Variants in FAF1 observed in about 807,000 individuals in gnomAD.
FAF1 encodes the protein Fas associated factor 1.
A neutral mutation model predicts 92.5 loss-of-function variants in FAF1; 25 were observed. The ratio of observed to expected loss-of-function variants is 0.27; its 90% CI spans 0.20 to 0.38. The LOEUF is 0.38. FAF1 is among the 10% of genes least tolerant of loss of function. The pLI is 1.00. For missense variants in FAF1, 636 were observed against 793.3 expected, an observed-to-expected ratio of 0.80 and a Z score of 2.38; for synonymous variants, 234 against 273.2, an observed-to-expected ratio of 0.86 and a Z score of 1.42.
intron 4 of FAF1, among the ~76,000 whole-genome samples, chr1:50,760,842 C>A (rs1660295775): frequency 6.6e-6 from 1 of 151,998 alleles, no homozygotes; most frequent in Non-Finnish European, 1.5e-5. Flanking sequence ...AAAATCAGAG[C>A]AGAACTGAAG....
chr1:50,611,334 T>C (rs150101717), intron 8 of FAF1, among the ~76,000 whole-genome samples: 2 of 152,302 alleles, frequency 1.3e-5, no homozygotes, highest in African/African-American at 4.8e-5. Flanking sequence ...AAGGTAGATA[T>C]TAACACAAAA....
At chr1:50,681,333 C>T (rs1656411324) in intron 7 of FAF1, among the ~76,000 whole-genome samples, 1 of 152,192 alleles carries the variant, frequency 6.6e-6, no homozygotes, top group Non-Finnish European at 1.5e-5. Context: ...AGGCATGAGT[C>T]ACTGTGCCTG....
At chr1:50,836,965 T>TTC (rs2124639888) in intron 2 of FAF1, among the ~76,000 whole-genome samples, 1 of 137,412 alleles carries the variant, frequency 7.3e-6, no homozygotes, top group African/African-American at 2.9e-5. Context: ...TTTTTTTTTT[T>TTC]TTTTTTTTTT....
At chr1:50,925,371 A>C (rs1644996761) in intron 1 of FAF1, among the ~76,000 whole-genome samples, 1 of 152,192 alleles carries the variant, frequency 6.6e-6, no homozygotes. Context: ...AACACAGTTA[A>C]GAGATAACCT....
chr1:50,828,116 C>T (rs1001396062), intron 2 of FAF1, among the ~76,000 whole-genome samples: 1 of 152,066 alleles, frequency 6.6e-6, no homozygotes, highest in Non-Finnish European at 1.5e-5. Flanking sequence ...ATAAATAAAA[C>T]AGGGTAGTAC....
intron 1 of FAF1, among the ~76,000 whole-genome samples, chr1:50,878,613 C>T (rs1644588533): frequency 2.6e-5 from 4 of 152,176 alleles, no homozygotes; most frequent in African/African-American, 7.2e-5. Context: ...TACACATTAG[C>T]AGCCAACTAA....
intron 15 of FAF1, among the ~76,000 whole-genome samples, chr1:50,507,261 A>T (rs1289963957): frequency 1.3e-5 from 2 of 152,236 alleles, no homozygotes; most frequent in South Asian, 4.1e-4. Flanking sequence ...CAGTGATGTC[A>T]AAAAGAATAA....
At chr1:50,564,736 T>C (rs1650094296) in intron 13 of FAF1, among the ~76,000 whole-genome samples, 2 of 152,164 alleles carry the variant, frequency 1.3e-5, no homozygotes, top group Admixed American at 6.5e-5. Flanking sequence ...GAATCTGTGA[T>C]ATGATAGGTG....
At chr1:50,910,940 C>T (rs1382123740) in intron 1 of FAF1, among the ~76,000 whole-genome samples, 5 of 152,126 alleles carry the variant, frequency 3.3e-5, no homozygotes, top group Admixed American at 1.3e-4. Flanking sequence ...ATGCAGAAAT[C>T]ACCCGTCTTC....
chr1:50,928,987 G>A (rs1645028103), intron 1 of FAF1, among the ~76,000 whole-genome samples: 1 of 149,108 alleles, frequency 6.7e-6, no homozygotes, highest in Non-Finnish European at 1.5e-5. Flanking sequence ...TGGGAGGATT[G>A]CTTGAGCTCA....
chr1:50,823,164 G>A (rs1329517763), intron 2 of FAF1, among the ~76,000 whole-genome samples: 1 of 152,150 alleles, frequency 6.6e-6, no homozygotes, highest in Non-Finnish European at 1.5e-5. Context: ...AAGCCATAAA[G>A]CTATATCTGC....
chr1:50,763,150 C>T (rs1294743437), intron 4 of FAF1, among the ~76,000 whole-genome samples: 3 of 151,944 alleles, frequency 2.0e-5, no homozygotes, highest in Admixed American at 1.3e-4. Flanking sequence ...CCCAGCTACT[C>T]GGGTGGCTGA....
chr1:50,846,358 C>A, intron 2 of FAF1: 1 of 291,352 alleles, frequency 3.4e-6, no homozygotes, highest in South Asian at 3.0e-5. Flanking sequence ...TTTTGCCGCC[C>A]AGGAGACGTC....
At chr1:50,587,645 T>G (rs1474544750) in intron 9 of FAF1, among the ~76,000 whole-genome samples, 1 of 152,256 alleles carries the variant, frequency 6.6e-6, no homozygotes, top group Non-Finnish European at 1.5e-5. Context: ...TTAGTGATTA[T>G]GCTTATTGCA....
chr1:50,850,219 A>G (rs1644336776), intron 2 of FAF1, among the ~76,000 whole-genome samples: 1 of 152,166 alleles, frequency 6.6e-6, no homozygotes. Context: ...GTAGAAATAC[A>G]TACGGCATGT....
At chr1:50,760,069 T>C (rs1569899431) in intron 4 of FAF1, among the ~76,000 whole-genome samples, 1 of 151,550 alleles carries the variant, frequency 6.6e-6, no homozygotes, top group Non-Finnish European at 1.5e-5. Context: ...GTCAGATGAG[T>C]AGGTTGCTCT....
chr1:50,596,244 A>G (rs1651809564), intron 8 of FAF1, 28 bp from the exon 9 acceptor site: 1 of 1,496,188 alleles, frequency 6.7e-7, no homozygotes, highest in Non-Finnish European at 9.3e-7. Context: ...CATCATTTGT[A>G]AACAAAATAC....
At chr1:50,823,258 GTTGTACATT>G (rs1198887573) in intron 2 of FAF1, among the ~76,000 whole-genome samples, 1 of 152,148 alleles carries the variant, frequency 6.6e-6, no homozygotes, top group Non-Finnish European at 1.5e-5. Context: ...TTTTGAGGTT[GTTGTACATT>G]TAAAATCAAT....
rs60638627 is a variant in FAF1 at position 50,708,309 on chromosome 1, A to G, written c.552-2418T>C. On this transcript the variant is annotated intron_variant, in intron 6 of 18. Transcript: ENST00000396153. ...GATGAAAAACTGTCAAGTTCAGAAT[A>G]TATTTTAGAGGTGGAAGTCAGACCA... Among the ~76,000 whole-genome samples the G allele has an allele frequency of 9.9e-3, 1,504 of 152,270 alleles. 23 individuals are homozygous for G. The highest frequency in any genetic ancestry group is 0.034 in the African/African-American group (1,426 of 41,552).
Sources: allele counts gnomAD v4.1 joint callset (sites outside exome capture counted in the v4.1 genomes callset), GRCh38; gene constraint gnomAD v4.1.1; transcripts MANE v1.5; gene names NCBI Gene and HGNC (gene_info 2026-07-23, HGNC 2026-07-21).